Variants in CTNND2 observed in about 807,000 individuals in gnomAD.
CTNND2 encodes the protein catenin delta 2, also known as catenin delta-2.
CTNND2 carries 22 observed loss-of-function variants against 144.4 expected under a neutral mutation model. That is an observed-to-expected ratio of 0.15 (90% confidence interval 0.11 to 0.22). The LOEUF is 0.22. Among genes scored for constraint, CTNND2 ranks in the 10% least tolerant of loss-of-function variants. The pLI is 1.00. For synonymous variants in CTNND2, 751 were observed against 695.6 expected (o/e 1.08, Z -1.25); for missense variants, 1,353 against 1,618.8 (o/e 0.84, Z 2.82).
At chr5:11,883,668 T>C (rs930232076) in intron 1 of CTNND2, among the ~76,000 whole-genome samples, 4 of 152,244 alleles carry the variant, frequency 2.6e-5, no homozygotes, top group Non-Finnish European at 5.9e-5. Flanking sequence ...TATAGTAGAA[T>C]GATTTACAAT....
rs577504215 is a variant in CTNND2, at chr5:11,428,985, A to C, written c.288-16916T>G. On this transcript the variant is annotated intron_variant, in intron 3 of 21. Transcript: ENST00000304623. ...TGAAAACAATGAAACCTTAACTTAT[A>C]TTTTTATATCTCTAAATTTACATAT... 5.8e-4 allele frequency among the ~76,000 whole-genome samples: 89 copies of C among 152,238 alleles called. 1 individual carries two copies. The highest frequency in any genetic ancestry group is 1.1e-3 in the Non-Finnish European group (76 of 68,002).
chr5:11,742,193 T>A (rs895023652), intron 1 of CTNND2, among the ~76,000 whole-genome samples: 2 of 152,098 alleles, frequency 1.3e-5, no homozygotes, highest in Non-Finnish European at 2.9e-5. Flanking sequence ...ACCCCAAAAC[T>A]TATGGAGGAA....
At chr5:11,189,029 G>A (rs61751815) in intron 11 of CTNND2, among the ~76,000 whole-genome samples, 9 of 152,240 alleles carry the variant, frequency 5.9e-5, no homozygotes, top group African/African-American at 2.2e-4. Context: ...TACGACACAA[G>A]CGTTAGGAGG....
intron 9 of CTNND2, among the ~76,000 whole-genome samples, chr5:11,329,911 T>C (rs58980659): frequency 0.022 from 3,287 of 152,306 alleles, 48 homozygotes; most frequent in South Asian, 0.047. Context: ...GTCTCTTTCA[T>C]ACCCCTCTGG....
chr5:11,167,440 G>C (rs1288041501), intron 11 of CTNND2, among the ~76,000 whole-genome samples: 4 of 152,156 alleles, frequency 2.6e-5, no homozygotes, highest in Non-Finnish European at 5.9e-5. Flanking sequence ...TCAGATCTTT[G>C]CTGTTGCATA....
intron 1 of CTNND2, among the ~76,000 whole-genome samples, chr5:11,800,314 GTT>G (rs757528111): frequency 3.3e-5 from 5 of 152,076 alleles, no homozygotes; most frequent in Non-Finnish European, 7.4e-5. Context: ...ATACGATATG[GTT>G]TAAAGATATC....
At chr5:11,155,858 C>T (rs1237991468) in intron 12 of CTNND2, among the ~76,000 whole-genome samples, 1 of 152,196 alleles carries the variant, frequency 6.6e-6, no homozygotes, top group Non-Finnish European at 1.5e-5. Flanking sequence ...ATTAACTTTT[C>T]ATTTTACATT....
At chr5:11,325,013 A>G (rs1272009383) in intron 9 of CTNND2, among the ~76,000 whole-genome samples, 1 of 152,022 alleles carries the variant, frequency 6.6e-6, no homozygotes, top group Non-Finnish European at 1.5e-5. Flanking sequence ...TAGTGCAAGA[A>G]TGAACCCTCT....
At chr5:11,690,374 C>T (rs1784841165) in intron 2 of CTNND2, among the ~76,000 whole-genome samples, 1 of 152,192 alleles carries the variant, frequency 6.6e-6, no homozygotes, top group Non-Finnish European at 1.5e-5. Context: ...TCAAATGCTG[C>T]TTCATTTTTA....
At chr5:11,642,448 TGGA>T (rs1489541760) in intron 2 of CTNND2, among the ~76,000 whole-genome samples, 2 of 151,976 alleles carry the variant, frequency 1.3e-5, no homozygotes, top group Non-Finnish European at 2.9e-5. Flanking sequence ...CGAAAAGAAT[TGGA>T]GGAGATGATG....
intron 1 of CTNND2, among the ~76,000 whole-genome samples, chr5:11,865,873 TG>T (rs1229227981): frequency 2.7e-5 from 3 of 111,780 alleles, no homozygotes; most frequent in Non-Finnish European, 5.2e-5. Flanking sequence ...CCAAGGAATG[TG>T]GGGGCAACCT....
intron 3 of CTNND2, among the ~76,000 whole-genome samples, chr5:11,491,886 T>C (rs987246336): frequency 5.3e-5 from 8 of 152,200 alleles, no homozygotes; most frequent in Admixed American, 1.3e-4. Flanking sequence ...CTAGTTACCA[T>C]TGAACATTTG....
At chr5:11,012,547 A>G (rs940069940) in intron 18 of CTNND2, among the ~76,000 whole-genome samples, 1 of 152,188 alleles carries the variant, frequency 6.6e-6, no homozygotes, top group African/African-American at 2.4e-5. Flanking sequence ...CGCATCTGAA[A>G]CCTGGTGAAT....
intron 3 of CTNND2, among the ~76,000 whole-genome samples, chr5:11,412,637 G>C (rs1317015508): frequency 6.6e-6 from 1 of 152,034 alleles, no homozygotes; most frequent in African/African-American, 2.4e-5. Context: ...AGACGGAAAG[G>C]GTTGTCCATA....
chr5:11,283,589 A>T (rs1463667386), intron 9 of CTNND2, among the ~76,000 whole-genome samples: 1 of 146,032 alleles, frequency 6.8e-6, no homozygotes, highest in East Asian at 2.1e-4. Flanking sequence ...TGGGAGAATC[A>T]CTTGAACCTG....
At chr5:11,392,789 T>C (rs377405952) in intron 6 of CTNND2, among the ~76,000 whole-genome samples, 1 of 151,968 alleles carries the variant, frequency 6.6e-6, no homozygotes, top group East Asian at 1.9e-4. Context: ...GCATAGTGTA[T>C]ACATTTATGT....
In CTNND2 at chr5:11,848,948, T is replaced by C. The variant is rs769713183; in HGVS notation, c.37+54869A>G. On this transcript the variant is annotated intron_variant, in intron 1 of 21. Transcript: ENST00000304623. ...CTAGCATATAAACTTGGAGCTCCCA[T>C]TGACATATTGACACTACTTATAAAA... 5.3e-5 allele frequency among the ~76,000 whole-genome samples: 8 copies of C among 152,204 alleles called. No individual in the cohort carries two copies. In the South Asian group the frequency reaches 6.2e-4, roughly 12 times the overall value.
At chr5:11,430,246 CT>C (rs1284665580) in intron 3 of CTNND2, among the ~76,000 whole-genome samples, 1 of 92,066 alleles carries the variant, frequency 1.1e-5, no homozygotes, top group African/African-American at 5.3e-5. Context: ...TAGACTCCGT[CT>C]CAAAAAAAAA....
intron 2 of CTNND2, among the ~76,000 whole-genome samples, chr5:11,579,907 G>A (rs911055539): frequency 3.9e-5 from 6 of 152,212 alleles, no homozygotes; most frequent in East Asian, 1.9e-4. Context: ...GCATCATCCC[G>A]GCAGCTGTTC....
Sources: allele counts gnomAD v4.1 joint callset (sites outside exome capture counted in the v4.1 genomes callset), GRCh38; gene constraint gnomAD v4.1.1; transcripts MANE v1.5; gene names NCBI Gene and HGNC (gene_info 2026-07-23, HGNC 2026-07-21).